OXR1: variants seen among roughly 807,000 people sequenced by gnomAD.
OXR1 encodes oxidation resistance protein 1.
A neutral mutation model predicts 104.6 loss-of-function variants in OXR1; 41 were observed. The ratio of observed to expected loss-of-function variants is 0.39; its 90% CI spans 0.31 to 0.51. The LOEUF (loss-of-function observed/expected upper bound fraction) is 0.51. OXR1 is among the 20% of genes least tolerant of loss of function. OXR1 has a pLI of 0.77. For synonymous variants in OXR1, 348 were observed against 348.4 expected (o/e 1.00, Z 0.01); for missense variants, 955 against 1,031.9 (o/e 0.93, Z 1.02).
At chr8:106,289,811 ACC>A (rs1031304982) in intron 1 of OXR1, among the ~76,000 whole-genome samples, 3 of 152,110 alleles carry the variant, frequency 2.0e-5, no homozygotes, top group Non-Finnish European at 4.4e-5. Context: ...CATGGGAGTG[ACC>A]CAGTGGGAAG....
chr8:106,297,937 G>A (rs1813067727), intron 1 of OXR1, among the ~76,000 whole-genome samples: 1 of 152,206 alleles, frequency 6.6e-6, no homozygotes, highest in Non-Finnish European at 1.5e-5. Context: ...ATCTTTGCCA[G>A]CAAGCTATTG....
At chr8:106,581,715 T>C (rs1818235190) in intron 3 of OXR1, among the ~76,000 whole-genome samples, 1 of 151,962 alleles carries the variant, frequency 6.6e-6, no homozygotes, top group South Asian at 2.1e-4. Context: ...ATTGCTTGTA[T>C]GGAGAAAAGA....
intron 2 of OXR1, among the ~76,000 whole-genome samples, chr8:106,402,469 G>A (rs941550501): frequency 6.6e-6 from 1 of 152,172 alleles, no homozygotes; most frequent in African/African-American, 2.4e-5. Context: ...CTGGAACTAG[G>A]AAAATAACCA....
chr8:106,495,839 T>C (rs910307577), intron 2 of OXR1, among the ~76,000 whole-genome samples: 2 of 152,216 alleles, frequency 1.3e-5, no homozygotes, highest in Non-Finnish European at 1.5e-5. Context: ...GTGTGTTTGT[T>C]TATTAATTCA....
chr8:106,293,623 C>A (rs2130052738), intron 1 of OXR1, among the ~76,000 whole-genome samples: 1 of 152,222 alleles, frequency 6.6e-6, no homozygotes, highest in African/African-American at 2.4e-5. Flanking sequence ...GAAATTTATT[C>A]TCTCTCATGA....
At chr8:106,373,000 G>A (rs925943740) in intron 2 of OXR1, among the ~76,000 whole-genome samples, 1 of 152,030 alleles carries the variant, frequency 6.6e-6, no homozygotes, top group African/African-American at 2.4e-5. Context: ...AATATTCAGG[G>A]AAAAAAATTT....
intron 1 of OXR1, among the ~76,000 whole-genome samples, chr8:106,288,200 G>A (rs1812578867): frequency 6.6e-6 from 1 of 152,108 alleles, no homozygotes; most frequent in Non-Finnish European, 1.5e-5. Context: ...GGAAGGTGTG[G>A]GAGCCTCCTT....
chr8:106,734,656 C>A (rs991504255), intron 11 of OXR1, among the ~76,000 whole-genome samples: 1 of 152,124 alleles, frequency 6.6e-6, no homozygotes, highest in African/African-American at 2.4e-5. Flanking sequence ...TGTGAATTTT[C>A]TCTAGTCTCT....
chr8:106,690,155 T>C (rs1387692240), intron 6 of OXR1, among the ~76,000 whole-genome samples: 1 of 150,852 alleles, frequency 6.6e-6, no homozygotes, highest in Non-Finnish European at 1.5e-5. Context: ...TCAATGCTTT[T>C]AGACTTCAAT....
At chr8:106,542,721 C>A (rs994902133) in intron 3 of OXR1, among the ~76,000 whole-genome samples, 3 of 151,698 alleles carry the variant, frequency 2.0e-5, no homozygotes, top group Non-Finnish European at 4.4e-5. Flanking sequence ...TAGCAATAAC[C>A]ACGAAGTAGT....
chr8:106,441,289 G>T (rs911968800), intron 2 of OXR1, among the ~76,000 whole-genome samples: 1 of 152,072 alleles, frequency 6.6e-6, no homozygotes, highest in African/African-American at 2.4e-5. Context: ...GTGTGTTATG[G>T]TACCAGTACC....
chr8:106,460,677 C>A (rs1820858745), intron 2 of OXR1, among the ~76,000 whole-genome samples: 1 of 152,056 alleles, frequency 6.6e-6, no homozygotes, highest in African/African-American at 2.4e-5. Flanking sequence ...TGGTATGTTT[C>A]AAAAATTCTG....
intron 3 of OXR1, among the ~76,000 whole-genome samples, chr8:106,593,168 C>T (rs1819231240): frequency 6.6e-6 from 1 of 152,110 alleles, no homozygotes; most frequent in Non-Finnish European, 1.5e-5. Flanking sequence ...TATTTGACTG[C>T]CTACCTCACG....
At chr8:106,435,196 C>T (rs994989399) in intron 2 of OXR1, among the ~76,000 whole-genome samples, 4 of 151,988 alleles carry the variant, frequency 2.6e-5, no homozygotes, top group African/African-American at 9.7e-5. Flanking sequence ...CAAAGGTCAG[C>T]GTGGCTGAGG....
Position 106,397,636 on chromosome 8 carries a change from T to C in OXR1, c.23+38000T>C, listed in dbSNP as rs1586602749. On this transcript the variant is annotated intron_variant, in intron 2 of 16. Transcript: ENST00000517566. Reference sequence around the variant, plus strand: ...TTGGGGATTTAAATCTACAGATTTCTTTTTTCTGCCCTTGAAAAAAATCTA... The same window carrying C: ...TTGGGGATTTAAATCTACAGATTTCCTTTTTCTGCCCTTGAAAAAAATCTA... 2.0e-5 allele frequency among the ~76,000 whole-genome samples: 3 copies of C among 152,184 alleles called. No individual in the cohort carries two copies. In the South Asian group the frequency reaches 6.2e-4, roughly 32 times the overall value.
chr8:106,739,621 G>A (rs3016494), intron 13 of OXR1, 38 bp downstream of exon 13: 226,606 of 1,602,882 alleles, frequency 0.14, 17,291 homozygotes, highest in Non-Finnish European at 0.15. Context: ...CTGAGTGTGA[G>A]TGTGTACCCA....
chr8:106,514,282 A>G (rs1812726550), intron 2 of OXR1, among the ~76,000 whole-genome samples: 1 of 152,180 alleles, frequency 6.6e-6, no homozygotes, highest in African/African-American at 2.4e-5. Flanking sequence ...ATTTAAAAAG[A>G]CTTCCCCTTT....
chr8:106,625,142 G>C (rs1822045605), intron 3 of OXR1, among the ~76,000 whole-genome samples: 1 of 152,116 alleles, frequency 6.6e-6, no homozygotes, highest in African/African-American at 2.4e-5. Flanking sequence ...GATACCAAAA[G>C]GTTACATGAA....
intron 2 of OXR1, among the ~76,000 whole-genome samples, chr8:106,509,586 C>A (rs533333808): frequency 6.6e-6 from 1 of 152,224 alleles, no homozygotes; most frequent in African/African-American, 2.4e-5. Context: ...AGAGCCCTTG[C>A]CCTGTTTTGT....
Sources: gnomAD v4.1 joint callset for allele counts (sites outside exome capture counted in the v4.1 genomes callset) on GRCh38, gnomAD v4.1.1 for gene constraint, MANE v1.5 for transcripts, NCBI Gene and HGNC (gene_info 2026-07-23, HGNC 2026-07-21) for gene names.